CFAP299: variants seen among roughly 807,000 people sequenced by gnomAD.
The protein encoded by CFAP299 is cilia and flagella associated protein 299, also known as cilia- and flagella-associated protein 299.
A neutral mutation model predicts 27.0 loss-of-function variants in CFAP299; 21 were observed. The ratio of observed to expected loss-of-function variants is 0.78; its 90% CI spans 0.55 to 1.12. The LOEUF (loss-of-function observed/expected upper bound fraction) is 1.12, where lower values mean the gene tolerates loss of function less well. Ranked by LOEUF, CFAP299 falls within the 50% of genes most tolerant of loss-of-function variation. CFAP299 has a pLI of 0.00. For synonymous variants in CFAP299, 104 were observed against 98.1 expected, an observed-to-expected ratio of 1.06 and a Z score of -0.36; for missense variants, 310 against 276.6, an observed-to-expected ratio of 1.12 and a Z score of -0.86.
chr4:80,414,596 A>G (rs1186911279), intron 2 of CFAP299, among the ~76,000 whole-genome samples: 1 of 152,206 alleles, frequency 6.6e-6, no homozygotes, highest in Non-Finnish European at 1.5e-5. Context: ...CTTCAGCAGA[A>G]TATTTTTGCA....
intron 3 of CFAP299, among the ~76,000 whole-genome samples, chr4:80,822,026 C>T (rs1023697567): frequency 6.6e-6 from 1 of 152,034 alleles, no homozygotes; most frequent in Non-Finnish European, 1.5e-5. Context: ...GTGAAAAGGC[C>T]TCTGTAGGTA....
chr4:80,654,457 A>G (rs774755480), intron 3 of CFAP299, among the ~76,000 whole-genome samples: 27 of 152,230 alleles, frequency 1.8e-4, no homozygotes, highest in Non-Finnish European at 2.5e-4. Flanking sequence ...TCATTAATCT[A>G]TTGTAACATT....
chr4:80,697,696 G>A (rs1207544971), intron 3 of CFAP299, among the ~76,000 whole-genome samples: 1 of 152,112 alleles, frequency 6.6e-6, no homozygotes, highest in Non-Finnish European at 1.5e-5. Context: ...ATGTAAGAGC[G>A]ATCATACAAT....
At chr4:80,540,004 G>T (rs1012593746) in intron 2 of CFAP299, among the ~76,000 whole-genome samples, 1 of 149,370 alleles carries the variant, frequency 6.7e-6, no homozygotes, top group African/African-American at 2.5e-5. Flanking sequence ...AGTATTTTGT[G>T]TAAAAACTGT....
intron 2 of CFAP299, among the ~76,000 whole-genome samples, chr4:80,439,430 C>T (rs865941949): frequency 3.9e-5 from 6 of 152,280 alleles, no homozygotes; most frequent in South Asian, 2.1e-4. Context: ...TCACCTCACC[C>T]GGGAAGCTCA....
the CFAP299 span, among the ~76,000 whole-genome samples, chr4:80,326,696 G>A: frequency 6.6e-6 from 1 of 152,158 alleles, no homozygotes; most frequent in Admixed American, 6.5e-5. Context: ...TGGACTCTGA[G>A]AAGTCTATTA....
At chr4:80,602,523 A>G (rs1737409791) in intron 3 of CFAP299, among the ~76,000 whole-genome samples, 1 of 152,188 alleles carries the variant, frequency 6.6e-6, no homozygotes, top group Admixed American at 6.5e-5. Context: ...CTGAAAGGAG[A>G]CCAAATAATA....
intron 3 of CFAP299, among the ~76,000 whole-genome samples, chr4:80,647,849 G>A (rs1290088097): frequency 3.3e-5 from 5 of 152,128 alleles, no homozygotes; most frequent in Admixed American, 2.0e-4. Flanking sequence ...CAAGGTGGGC[G>A]GATCACCTGA....
At chr4:80,674,089 G>A (rs920550696) in intron 3 of CFAP299, among the ~76,000 whole-genome samples, 6 of 152,082 alleles carry the variant, frequency 3.9e-5, no homozygotes, top group East Asian at 1.9e-4. Context: ...TATTTTGCCC[G>A]TTAGTTGATG....
chr4:80,915,617 C>T (rs1487959122), intron 4 of CFAP299, among the ~76,000 whole-genome samples: 1 of 151,866 alleles, frequency 6.6e-6, no homozygotes, highest in Non-Finnish European at 1.5e-5. Context: ...TACCACTCTC[C>T]CAGATCCTCC....
At chr4:80,872,137 C>G (rs1255175008) in intron 4 of CFAP299, 1 of 152,010 alleles carries the variant, frequency 6.6e-6, no homozygotes, top group Non-Finnish European at 1.5e-5. Flanking sequence ...TCCCTATAAA[C>G]TGATTTGATT....
In CFAP299 at chr4:80,650,864, AG is replaced by A. The variant is rs537943861; in HGVS notation, c.333+67683del. On this transcript the variant is annotated intron_variant, in intron 3 of 5. Transcript: ENST00000358105. The stretch of plus-strand genomic sequence containing the variant: ...CAATGGACTTTGGGACTCAGGGGAA[AG>A]GATGGGAAGGGGGTGCGGGATATAA... Among the ~76,000 whole-genome samples the A allele has an allele frequency of 5.6e-4, 85 of 152,176 alleles. 1 individual carries two copies. The highest frequency in any genetic ancestry group is 1.9e-3 in the African/African-American group (78 of 41,530).
At chr4:80,351,159 A>G (rs1722995790) in intron 1 of CFAP299, among the ~76,000 whole-genome samples, 1 of 152,172 alleles carries the variant, frequency 6.6e-6, no homozygotes. Context: ...GTTGAAGGAA[A>G]ATTATATATA....
chr4:80,577,196 C>T (rs1560634138), intron 2 of CFAP299, among the ~76,000 whole-genome samples: 1 of 152,106 alleles, frequency 6.6e-6, no homozygotes, highest in African/African-American at 2.4e-5. Context: ...TAGAATAAAA[C>T]TGAATACCAA....
At chr4:80,881,493 T>C (rs1733703588) in intron 4 of CFAP299, among the ~76,000 whole-genome samples, 1 of 152,212 alleles carries the variant, frequency 6.6e-6, no homozygotes, top group African/African-American at 2.4e-5. Flanking sequence ...GAACTGAGGC[T>C]TTTCCTCCAG....
At chr4:80,916,212 A>C (rs1383647482) in intron 4 of CFAP299, among the ~76,000 whole-genome samples, 1 of 140,176 alleles carries the variant, frequency 7.1e-6, no homozygotes, top group African/African-American at 2.6e-5. Flanking sequence ...CAGTGAGCCA[A>C]GATTGTACCA....
chr4:80,851,334 C>T (rs1255160830), intron 3 of CFAP299, among the ~76,000 whole-genome samples: 1 of 152,116 alleles, frequency 6.6e-6, no homozygotes, highest in Non-Finnish European at 1.5e-5. Context: ...CTGATCAGTT[C>T]TTTGTAAAAC....
At chr4:80,855,768 G>A (rs1176368035) in intron 3 of CFAP299, among the ~76,000 whole-genome samples, 4 of 152,104 alleles carry the variant, frequency 2.6e-5, no homozygotes, top group South Asian at 2.1e-4. Context: ...AGTATTCCAC[G>A]GTGTATATGT....
chr4:80,937,931 C>T (rs1736994381), intron 4 of CFAP299, among the ~76,000 whole-genome samples: 1 of 151,996 alleles, frequency 6.6e-6, no homozygotes, highest in African/African-American at 2.4e-5. Context: ...TACAATGAGG[C>T]TTACATAAAA....
Sources: gnomAD v4.1 joint callset for allele counts (sites outside exome capture counted in the v4.1 genomes callset) on GRCh38, gnomAD v4.1.1 for gene constraint, MANE v1.5 for transcripts, NCBI Gene and HGNC (gene_info 2026-07-23, HGNC 2026-07-21) for gene names.